PARD3: variants seen among roughly 807,000 people sequenced by gnomAD.
The protein encoded by PARD3 is partitioning defective 3 homolog.
Under a neutral mutation model 155.4 loss-of-function variants are expected in PARD3, and 75 were observed. That is an observed-to-expected ratio of 0.48 (90% CI 0.40 to 0.58). PARD3 has a LOEUF of 0.58. PARD3 is among the 20% of genes least tolerant of loss of function. The pLI is 0.00. For missense variants in PARD3, 1,642 were observed against 1,721.7 expected (o/e 0.95, Z 0.82); for synonymous variants, 576 against 610.5 (o/e 0.94, Z 0.83).
chr10:34,512,177 A>T (rs2081438608), intron 3 of PARD3, among the ~76,000 whole-genome samples: 2 of 152,222 alleles, frequency 1.3e-5, no homozygotes, highest in South Asian at 4.1e-4. Context: ...TTCATTTATT[A>T]GCTGAAATAC....
At chr10:34,731,008 A>C (rs2094807366) in intron 1 of PARD3, among the ~76,000 whole-genome samples, 1 of 152,166 alleles carries the variant, frequency 6.6e-6, no homozygotes, top group Admixed American at 6.6e-5. Flanking sequence ...CCCCAAACTT[A>C]AGAATTTCAC....
At chr10:34,805,950 C>CT (rs1245416895) in intron 1 of PARD3, among the ~76,000 whole-genome samples, 1 of 151,570 alleles carries the variant, frequency 6.6e-6, no homozygotes, top group Admixed American at 6.6e-5. Context: ...GCACTCCAGC[C>CT]TGGGCGACAG....
intron 14 of PARD3, among the ~76,000 whole-genome samples, chr10:34,358,810 G>A (rs533008619): frequency 6.6e-6 from 1 of 152,244 alleles, no homozygotes; most frequent in South Asian, 2.1e-4. Flanking sequence ...CACCTCCCAG[G>A]TATAACTCTG....
At chr10:34,742,309 A>T (rs527967828) in intron 1 of PARD3, among the ~76,000 whole-genome samples, 1 of 152,370 alleles carries the variant, frequency 6.6e-6, no homozygotes, top group Non-Finnish European at 1.5e-5. Flanking sequence ...AAATCTCAGT[A>T]GTCACGATAA....
chr10:34,476,893 A>G (rs547834010), intron 3 of PARD3, among the ~76,000 whole-genome samples: 3 of 152,312 alleles, frequency 2.0e-5, no homozygotes, highest in Non-Finnish European at 1.5e-5. Flanking sequence ...ACCTTATTTT[A>G]AGGAAAGACA....
chr10:34,545,881 C>A (rs182668328), intron 2 of PARD3, among the ~76,000 whole-genome samples: 31 of 152,176 alleles, frequency 2.0e-4, no homozygotes, highest in African/African-American at 7.2e-4. Context: ...TAATTAAAAC[C>A]TATGTAGTTA....
chr10:34,453,201 C>T (rs1455083668), intron 4 of PARD3, among the ~76,000 whole-genome samples: 5 of 152,166 alleles, frequency 3.3e-5, no homozygotes. Flanking sequence ...GAGACCTGTA[C>T]TTCCAACATC....
At chr10:34,695,318 T>C (rs754351983) in intron 2 of PARD3, among the ~76,000 whole-genome samples, 8 of 150,340 alleles carry the variant, frequency 5.3e-5, no homozygotes, top group Admixed American at 1.3e-4. Context: ...CTACTAAAAA[T>C]ACAAAAATTA....
intron 15 of PARD3, 22 bp downstream of exon 15, chr10:34,347,943 A>T (rs1409477112): frequency 6.3e-7 from 1 of 1,595,440 alleles, no homozygotes; most frequent in Non-Finnish European, 8.5e-7. Flanking sequence ...AGATGTGATA[A>T]ACAGAGTTTT....
At chr10:34,609,884 G>A (rs1467827126) in intron 2 of PARD3, among the ~76,000 whole-genome samples, 1 of 152,208 alleles carries the variant, frequency 6.6e-6, no homozygotes, top group East Asian at 1.9e-4. Context: ...AAAGTGCTAG[G>A]CAATAAACTA....
At chr10:34,723,160 C>A (rs1158384761) in intron 1 of PARD3, among the ~76,000 whole-genome samples, 2 of 152,074 alleles carry the variant, frequency 1.3e-5, no homozygotes, top group African/African-American at 2.4e-5. Flanking sequence ...CTGGCCAACA[C>A]GGCAAGAACC....
rs1554814034 is a variant in PARD3, at chr10:34,227,856, T to TATATATATATATATATATATATATA, written c.3419+41800_3419+41801insTATATATATATATATATATATATAT. ...TATTCCCAGTAATGGGAATTATTTT[T>TATATATATATATATATATATATATA]TATATATATATATATATATATATAT... On this transcript the variant is annotated intron_variant, in intron 22 of 24. Transcript: ENST00000374788. Among the ~76,000 whole-genome samples, 76 of 82,208 alleles carry TATATATATATATATATATATATATA rather than the reference T, an allele frequency of 9.2e-4. 5 individuals are homozygous for TATATATATATATATATATATATATA. Among genetic ancestry groups the TATATATATATATATATATATATATA allele is most frequent in the African/African-American group, 2.9e-3 (49 of 16,860 alleles). 53.9% of individuals were successfully genotyped at this position (82,208 alleles called of 152,430 possible).
In PARD3 at chr10:34,675,291, A is replaced by C. The variant is rs570062841; in HGVS notation, c.222+21027T>G. On this transcript the variant is annotated intron_variant, in intron 2 of 24. Transcript: ENST00000374788. ...GATTGTATCATTCTGATGGACTTCT[A>C]CATCTTGGTTGTTATTTTCTCCATA... Among the ~76,000 whole-genome samples, 79 of 152,336 alleles carry C rather than the reference A, an allele frequency of 5.2e-4. 1 individual carries two copies. Among genetic ancestry groups the C allele is most frequent in the South Asian group, 3.5e-3 (17 of 4,826 alleles).
intron 4 of PARD3, among the ~76,000 whole-genome samples, chr10:34,457,959 T>C (rs1217283625): frequency 3.3e-5 from 5 of 152,134 alleles, no homozygotes; most frequent in African/African-American, 9.7e-5. Flanking sequence ...CATGGAACCA[T>C]AGTTTAGGTG....
chr10:34,522,137 T>C lies in PARD3; in HGVS notation c.223-4978A>G, dbSNP rs191248670. Among the ~76,000 whole-genome samples, 24 of 152,276 alleles carry C rather than the reference T, an allele frequency of 1.6e-4. No homozygotes were observed. In the East Asian group the frequency reaches 4.2e-3, roughly 27 times the overall value. ...AAAATGGAAAGATTATCCTTCATTA[T>C]CCAGGTAGAGCCCCATCTAATTACA... On this transcript the variant is annotated intron_variant, in intron 2 of 24. Transcript: ENST00000374788.
In PARD3 at chr10:34,651,502, G is replaced by A. The variant is rs552172172; in HGVS notation, c.222+44816C>T. Reference sequence around the variant, plus strand: ...CCCTAGACAGAGACTACTGCTCTGGGCAGGAAGTGTGGACAATGAAGCCAA... The same window carrying A: ...CCCTAGACAGAGACTACTGCTCTGGACAGGAAGTGTGGACAATGAAGCCAA... On this transcript the variant is annotated intron_variant, in intron 2 of 24. Coordinates refer to ENST00000374788, the MANE Select transcript of PARD3 (RefSeq NM_001184785.2). Among the ~76,000 whole-genome samples, 9 of 152,342 alleles carry A rather than the reference G, an allele frequency of 5.9e-5. No homozygotes were observed. In the East Asian group the frequency reaches 1.4e-3, roughly 23 times the overall value.
chr10:34,780,407 ATAAGCACCTCCT>A (rs1840105436), intron 1 of PARD3, among the ~76,000 whole-genome samples: 1 of 152,234 alleles, frequency 6.6e-6, no homozygotes, highest in South Asian at 2.1e-4. Flanking sequence ...AATAAGGTGC[ATAAGCACCTCCT>A]TTGCACTATT....
chr10:34,453,484 A>G (rs757463968), intron 4 of PARD3, among the ~76,000 whole-genome samples: 3 of 152,192 alleles, frequency 2.0e-5, no homozygotes, highest in Non-Finnish European at 2.9e-5. Flanking sequence ...TGACTTTTTC[A>G]TGAATATTTT....
At chr10:34,130,085 G>A (rs912854559) in intron 23 of PARD3, among the ~76,000 whole-genome samples, 5 of 151,934 alleles carry the variant, frequency 3.3e-5, no homozygotes, top group African/African-American at 7.3e-5. Flanking sequence ...ACTAATCTCC[G>A]CTCTACTTCT....
Sources: gnomAD v4.1 joint callset for allele counts (sites outside exome capture counted in the v4.1 genomes callset) on GRCh38, gnomAD v4.1.1 for gene constraint, MANE v1.5 for transcripts, NCBI Gene and HGNC (gene_info 2026-07-23, HGNC 2026-07-21) for gene names.